ZNF254: variants seen among roughly 807,000 people sequenced by gnomAD.
ZNF254 encodes the protein zinc finger protein 254.
Under a neutral mutation model 12.4 loss-of-function variants are expected in ZNF254, and 10 were observed. The ratio of observed to expected loss-of-function variants is 0.80; its 90% CI spans 0.50 to 1.36. The LOEUF (loss-of-function observed/expected upper bound fraction) is 1.36, where lower values mean the gene tolerates loss of function less well. Among genes scored for constraint, ZNF254 ranks in the 40% most tolerant of loss-of-function variants. The pLI, the probability that ZNF254 is intolerant of heterozygous loss-of-function variation, is 0.00. For synonymous variants in ZNF254, 305 were observed against 253.4 expected, an observed-to-expected ratio of 1.20 and a Z score of -1.93; for missense variants, 996 against 763.9, an observed-to-expected ratio of 1.30 and a Z score of -3.58.
intron 2 of ZNF254, among the ~76,000 whole-genome samples, chr19:24,064,267 C>T (rs1031304238): frequency 6.6e-6 from 1 of 152,136 alleles, no homozygotes; most frequent in Admixed American, 6.5e-5. Context: ...TGTGTCTCTC[C>T]TTTCTAAGCC....
chr19:24,113,353 C>G (rs1185514765), intron 3 of ZNF254, among the ~76,000 whole-genome samples: 1 of 152,106 alleles, frequency 6.6e-6, no homozygotes, highest in East Asian at 1.9e-4. Context: ...GGGCTTCATC[C>G]CTGGGATGCA....
At chr19:24,047,712 A>T in intron 2 of ZNF254, among the ~76,000 whole-genome samples, 2 of 131,774 alleles carry the variant, frequency 1.5e-5, no homozygotes, top group African/African-American at 2.9e-5. Flanking sequence ...TTGGAGATGG[A>T]GTTTCACTCT....
intron 2 of ZNF254, among the ~76,000 whole-genome samples, chr19:24,073,234 T>A (rs1294946197): frequency 6.6e-6 from 1 of 152,190 alleles, no homozygotes; most frequent in Non-Finnish European, 1.5e-5. Context: ...ATCCTGAATT[T>A]CACAGGTGCA....
chr19:24,081,699 A>G (rs1157340005), intron 2 of ZNF254, among the ~76,000 whole-genome samples: 2 of 152,276 alleles, frequency 1.3e-5, no homozygotes, highest in East Asian at 1.9e-4. Context: ...AGACTGGCAA[A>G]TAGACTATAC....
At chr19:24,078,566 A>G (rs565291349) in intron 2 of ZNF254, 1 of 152,174 alleles carries the variant, frequency 6.6e-6, no homozygotes, top group Admixed American at 6.5e-5. Flanking sequence ...AATATCTGAC[A>G]TTGAGTAAAT....
intron 2 of ZNF254, among the ~76,000 whole-genome samples, chr19:24,076,613 T>C (rs78783958): frequency 0.017 from 2,644 of 151,958 alleles, 30 homozygotes; most frequent in Non-Finnish European, 0.028. Flanking sequence ...GCCTCTGACA[T>C]AGAGATCCAT....
intron 2 of ZNF254, chr19:24,066,823 C>A (rs1006745268): frequency 1.3e-5 from 2 of 152,118 alleles, no homozygotes; most frequent in Non-Finnish European, 2.9e-5. Flanking sequence ...TCGCTTAAGT[C>A]CAGGAGGTGG....
rs1166693858 is a variant in ZNF254, at chr19:24,111,698, G to A, written c.253+5055G>A. Reference sequence around the variant, plus strand: ...TGGTTTTGATTTGCATTTCTCTGATGGCCAGTGATGATGAGCATTTTTTCA... The same window carrying A: ...TGGTTTTGATTTGCATTTCTCTGATAGCCAGTGATGATGAGCATTTTTTCA... On this transcript the variant is annotated intron_variant, in intron 3 of 3. Coordinates refer to ENST00000357002, the MANE Select transcript of ZNF254 (RefSeq NM_203282.4). 2.0e-5 allele frequency among the ~76,000 whole-genome samples: 3 copies of A among 152,182 alleles called. No homozygotes were observed. The East Asian group carries it at 5.8e-4, about 29-fold the overall frequency.
chr19:24,045,671 A>G (rs1416725624), intron 1 of ZNF254, among the ~76,000 whole-genome samples: 1 of 107,720 alleles, frequency 9.3e-6, no homozygotes, highest in Admixed American at 8.9e-5. Context: ...CTGTCTCAAA[A>G]AAAAAAAAAA....
At chr19:24,111,652 G>T (rs553159252) in intron 3 of ZNF254, among the ~76,000 whole-genome samples, 1 of 152,310 alleles carries the variant, frequency 6.6e-6, no homozygotes, top group East Asian at 1.9e-4. Context: ...ATTCTAACTG[G>T]TGTGAAATGG....
chr19:24,081,544 G>A (rs549004557), intron 2 of ZNF254, among the ~76,000 whole-genome samples: 4 of 152,102 alleles, frequency 2.6e-5, no homozygotes, highest in South Asian at 2.1e-4. Context: ...TTAATATCTC[G>A]GCTTTTTATA....
chr19:24,094,490 A>G (rs1196158754), intron 1 of ZNF254, among the ~76,000 whole-genome samples: 1 of 151,850 alleles, frequency 6.6e-6, no homozygotes, highest in Non-Finnish European at 1.5e-5. Flanking sequence ...CGAACTTCTG[A>G]TCTCGTGAGC....
chr19:24,079,180 G>C (rs1195187652), intron 2 of ZNF254: 1 of 152,158 alleles, frequency 6.6e-6, no homozygotes. Flanking sequence ...CATGTTTCAT[G>C]AGAGAAATAG....
intron 3 of ZNF254, among the ~76,000 whole-genome samples, chr19:24,120,834 GT>G (rs532090943): frequency 2.0e-5 from 3 of 151,120 alleles, no homozygotes; most frequent in African/African-American, 7.3e-5. Flanking sequence ...GGCTAATTTT[GT>G]TTTTTTTGTG....
chr19:24,096,324 G>T (rs1390078133), intron 1 of ZNF254, among the ~76,000 whole-genome samples: 2 of 151,950 alleles, frequency 1.3e-5, no homozygotes, highest in Non-Finnish European at 2.9e-5. Flanking sequence ...CTCCCAAAGT[G>T]CTGGGATTAC....
intron 1 of ZNF254, among the ~76,000 whole-genome samples, chr19:24,088,431 GGACT>G: frequency 6.6e-6 from 1 of 151,752 alleles, no homozygotes; most frequent in African/African-American, 2.4e-5. Flanking sequence ...ACTCCACAGG[GGACT>G]GCTTTTTTCC....
chr19:24,094,654 G>A (rs968960529), intron 1 of ZNF254, among the ~76,000 whole-genome samples: 18 of 151,634 alleles, frequency 1.2e-4, no homozygotes, highest in Non-Finnish European at 1.2e-4. Flanking sequence ...TCTTTGCCTT[G>A]TGCCAGTTTC....
At chr19:24,095,518 G>T (rs1972620579) in intron 1 of ZNF254, among the ~76,000 whole-genome samples, 1 of 152,098 alleles carries the variant, frequency 6.6e-6, no homozygotes. Context: ...CTGGTCCTTG[G>T]CTTTGTTTGG....
intron 2 of ZNF254, among the ~76,000 whole-genome samples, chr19:24,060,729 G>A (rs935969157): frequency 6.6e-6 from 1 of 152,178 alleles, no homozygotes; most frequent in Non-Finnish European, 1.5e-5. Context: ...TCATCTAGAT[G>A]ATATGACTCT....
Sources: gnomAD v4.1 joint callset for allele counts (sites outside exome capture counted in the v4.1 genomes callset) on GRCh38, gnomAD v4.1.1 for gene constraint, MANE v1.5 for transcripts, NCBI Gene and HGNC (gene_info 2026-07-23, HGNC 2026-07-21) for gene names.